Variants in DNAH6 observed in about 807,000 individuals in gnomAD.
DNAH6 encodes the protein axonemal beta dynein heavy chain 6.
DNAH6 carries 340 observed loss-of-function variants against 491.4 expected under a neutral mutation model. The ratio of observed to expected loss-of-function variants is 0.69; its 90% CI spans 0.63 to 0.76. The LOEUF (loss-of-function observed/expected upper bound fraction) is 0.76, where lower values mean the gene tolerates loss of function less well. DNAH6 is among the 30% of genes least tolerant of loss of function. The pLI is 0.00. For synonymous variants in DNAH6, 1,603 were observed against 1,686.1 expected (o/e 0.95, Z 1.21); for missense variants, 4,443 against 4,972.2 (o/e 0.89, Z 3.20).
the DNAH6 span, among the ~76,000 whole-genome samples, chr2:84,508,856 G>T: frequency 6.6e-6 from 1 of 152,204 alleles, no homozygotes; most frequent in African/African-American, 2.4e-5. Flanking sequence ...AGGTTGTTCA[G>T]TTTCCATGTA....
intron 64 of DNAH6, among the ~76,000 whole-genome samples, chr2:84,765,158 A>G (rs753600242): frequency 1.3e-5 from 2 of 152,132 alleles, no homozygotes; most frequent in Non-Finnish European, 2.9e-5. Flanking sequence ...TGTATTATTT[A>G]GGAATTCATA....
rs1367767852 is a variant in DNAH6, at chr2:84,819,514, T to C, written c.*106T>C. The C allele has an allele frequency of 1.5e-6, 1 of 681,118 alleles. No homozygotes were observed. The highest frequency in any genetic ancestry group is 1.8e-5 in the African/African-American group (1 of 54,458). 42.2% of individuals were successfully genotyped at this position (681,118 alleles called of 1,614,324 possible). A position where few individuals can be genotyped will look rare whatever the true frequency, so the allele number is the denominator to read the frequency against. ...GTGAGCAAAACGGTGTTAATTCTGA[T>C]TTGACTTAAACGTATTGTGACTTTT... On this transcript the variant is annotated 3_prime_UTR_variant, in exon 77 of 77. Transcript: ENST00000389394.
intron 26 of DNAH6, among the ~76,000 whole-genome samples, chr2:84,623,885 T>C (rs1273565882): frequency 1.3e-5 from 2 of 152,222 alleles, no homozygotes; most frequent in African/African-American, 4.8e-5. Flanking sequence ...GTATCACCTT[T>C]AACCACATTT....
At chr2:84,588,293 G>C (rs996469664) in intron 15 of DNAH6, among the ~76,000 whole-genome samples, 6 of 152,178 alleles carry the variant, frequency 3.9e-5, no homozygotes, top group African/African-American at 1.4e-4. Flanking sequence ...AATTTTCTCA[G>C]ATTATCCCAA....
At chr2:84,485,123 C>T in the DNAH6 span, among the ~76,000 whole-genome samples, 1 of 152,302 alleles carries the variant, frequency 6.6e-6, no homozygotes, top group South Asian at 2.1e-4. Flanking sequence ...CTTTATTCTT[C>T]TCCATCCTAA....
chr2:84,745,533 G>A (rs958006135), intron 63 of DNAH6, among the ~76,000 whole-genome samples: 2 of 152,154 alleles, frequency 1.3e-5, no homozygotes, highest in South Asian at 2.1e-4. Flanking sequence ...GGGCATGGTG[G>A]CAGGCGCCTG....
the DNAH6 span, among the ~76,000 whole-genome samples, chr2:84,500,602 AACTGTAGCTT>A: frequency 6.6e-6 from 1 of 152,166 alleles, no homozygotes; most frequent in Non-Finnish European, 1.5e-5. Flanking sequence ...ATTCCATTGA[AACTGTAGCTT>A]ACTTTAGGTA....
intron 70 of DNAH6, among the ~76,000 whole-genome samples, chr2:84,801,666 C>G (rs1678930543): frequency 6.6e-6 from 1 of 151,992 alleles, no homozygotes; most frequent in African/African-American, 2.4e-5. Flanking sequence ...AGTGGTTCGC[C>G]TCAGCTCAGG....
intron 34 of DNAH6, 94 bp downstream of exon 34, chr2:84,653,968 T>A: frequency 1.0e-6 from 1 of 970,758 alleles, no homozygotes; most frequent in Non-Finnish European, 1.5e-6. Context: ...CTTTACTATC[T>A]ATAATGTCTA....
chr2:84,651,705 C>T (rs886978731), intron 33 of DNAH6, among the ~76,000 whole-genome samples: 2 of 151,966 alleles, frequency 1.3e-5, no homozygotes, highest in Non-Finnish European at 2.9e-5. Context: ...TCTTAAGGTA[C>T]CTAGCCAGTC....
At chr2:84,580,316 G>GCACACACACACA (rs36209367) in intron 14 of DNAH6, among the ~76,000 whole-genome samples, 35 of 149,290 alleles carry the variant, frequency 2.3e-4, no homozygotes, top group African/African-American at 8.7e-4. Flanking sequence ...ACATACACAC[G>GCACACACACACA]CACACACACA....
chr2:84,679,442 C>A (rs963990724), intron 41 of DNAH6, among the ~76,000 whole-genome samples: 45 of 152,168 alleles, frequency 3.0e-4, no homozygotes, highest in Middle Eastern at 3.4e-3. Flanking sequence ...AAGGGTAAAC[C>A]GAACAGCACA....
chr2:84,509,476 G>A, the DNAH6 span, among the ~76,000 whole-genome samples: 35 of 152,158 alleles, frequency 2.3e-4, no homozygotes, highest in African/African-American at 7.2e-4. Flanking sequence ...GTCTCTTCAC[G>A]TGAGATGGGT....
intron 46 of DNAH6, 78 bp from the exon 47 acceptor site, chr2:84,697,497 A>G: frequency 7.3e-7 from 1 of 1,366,664 alleles, no homozygotes; most frequent in South Asian, 1.6e-5. Flanking sequence ...ATTCATGTGA[A>G]TTTTAGAATA....
At chr2:84,628,611 C>A (rs1395507835) in intron 29 of DNAH6, among the ~76,000 whole-genome samples, 1 of 152,130 alleles carries the variant, frequency 6.6e-6, no homozygotes, top group Non-Finnish European at 1.5e-5. Context: ...TGTTTAGACT[C>A]AGCAGAAGGC....
At chr2:84,514,867 TCACACACACACA>T (rs58335460), upstream of DNAH6, among the ~76,000 whole-genome samples, 9 of 139,004 alleles carry the variant, frequency 6.5e-5, no homozygotes, top group Non-Finnish European at 1.2e-4. Flanking sequence ...TTCACCACAG[TCACACACACACA>T]CACACACACA....
chr2:84,561,269 G>C (rs1039053028), intron 11 of DNAH6, among the ~76,000 whole-genome samples: 22 of 152,206 alleles, frequency 1.4e-4, no homozygotes, highest in African/African-American at 4.6e-4. Context: ...ACAAACCTGA[G>C]AAAAACAAGC....
intron 59 of DNAH6, among the ~76,000 whole-genome samples, chr2:84,721,222 T>C (rs924307853): frequency 3.3e-5 from 5 of 152,232 alleles, no homozygotes; most frequent in Non-Finnish European, 7.3e-5. Flanking sequence ...TATTTGTTAG[T>C]GGGCCTACAT....
At chr2:84,593,806 G>GT (rs545873393) in intron 16 of DNAH6, among the ~76,000 whole-genome samples, 166 bp from the exon 17 acceptor site, 440 of 145,044 alleles carry the variant, frequency 3.0e-3, no homozygotes, top group Middle Eastern at 3.6e-3. Flanking sequence ...GTTTTGTGGA[G>GT]TTTTTTTTTT....
Sources: allele counts gnomAD v4.1 joint callset (sites outside exome capture counted in the v4.1 genomes callset), GRCh38; gene constraint gnomAD v4.1.1; transcripts MANE v1.5; gene names NCBI Gene and HGNC (gene_info 2026-07-23, HGNC 2026-07-21).